Variants in NCOA5 observed in about 807,000 individuals in gnomAD.
The protein encoded by NCOA5 is NCoA-5.
Under a neutral mutation model 59.0 loss-of-function variants are expected in NCOA5, and 12 were observed. That is an observed-to-expected ratio of 0.20 (90% CI 0.13 to 0.33). NCOA5 has a LOEUF of 0.33. Among genes scored for constraint, NCOA5 ranks in the 10% least tolerant of loss-of-function variants. The pLI, the probability that NCOA5 is intolerant of heterozygous loss-of-function variation, is 1.00. For missense variants in NCOA5, 655 were observed against 766.6 expected (o/e 0.85, Z 1.72); for synonymous variants, 270 against 275.5 (o/e 0.98, Z 0.20).
At chr20:46,082,841 T>C (rs1431611460) in intron 1 of NCOA5, among the ~76,000 whole-genome samples, 3 of 152,160 alleles carry the variant, frequency 2.0e-5, no homozygotes, top group African/African-American at 2.4e-5. Context: ...GCAGAACCAT[T>C]ATAAACTACA....
chr20:46,079,499 A>T lies in NCOA5; in HGVS notation c.-29-46T>A, dbSNP rs570615816. 9.0e-6 allele frequency: 13 copies of T among 1,447,288 alleles called. No individual in the cohort carries two copies. The South Asian group carries it at 1.5e-4, about 17-fold the overall frequency. 89.7% of individuals were successfully genotyped at this position (1,447,288 alleles called of 1,614,324 possible). On this transcript the variant is annotated intron_variant, in intron 1 of 7. Transcript: ENST00000290231. The stretch of plus-strand genomic sequence containing the variant: ...ATCTGTTCAATGCTACGGAATAAAA[A>T]CAAGATCATCAGCACATTTCAAATG...
intron 1 of NCOA5, among the ~76,000 whole-genome samples, chr20:46,088,999 AAG>A (rs1051178021): frequency 1.1e-4 from 17 of 152,202 alleles, no homozygotes; most frequent in Non-Finnish European, 8.8e-5. Flanking sequence ...AGGAGAAAAA[AAG>A]AGTCAGTTTG....
intron 2 of NCOA5, among the ~76,000 whole-genome samples, chr20:46,075,740 T>G (rs1394737590): frequency 6.6e-6 from 1 of 152,334 alleles, no homozygotes; most frequent in South Asian, 2.1e-4. Flanking sequence ...ACTGGAATCA[T>G]GATCCTGTCT....
intron 2 of NCOA5, among the ~76,000 whole-genome samples, chr20:46,075,917 T>G (rs1392645965): frequency 6.6e-6 from 1 of 152,228 alleles, no homozygotes; most frequent in Non-Finnish European, 1.5e-5. Context: ...TGTGCTTGGC[T>G]GGGCCAATAT....
chr20:46,084,062 G>T (rs561363017), intron 1 of NCOA5, among the ~76,000 whole-genome samples: 1 of 152,244 alleles, frequency 6.6e-6, no homozygotes, highest in African/African-American at 2.4e-5. Flanking sequence ...ACAGAAATGG[G>T]GGAAACAATA....
intron 5 of NCOA5, among the ~76,000 whole-genome samples, chr20:46,066,804 G>C (rs2084828843): frequency 6.6e-6 from 1 of 152,212 alleles, no homozygotes; most frequent in Non-Finnish European, 1.5e-5. Context: ...GACCAATTTT[G>C]ATGACATGGT....
At chr20:46,068,229 C>A (rs1345969836) in intron 4 of NCOA5, among the ~76,000 whole-genome samples, 2 of 152,194 alleles carry the variant, frequency 1.3e-5, no homozygotes, top group Admixed American at 1.3e-4. Context: ...CCACAGTGAC[C>A]AGCATTTTGT....
In NCOA5 at chr20:46,062,309, C is replaced by G; in HGVS notation, c.1731G>C (p.Arg577Ser). ...GTTGAAAGATTTAGCTTCAGTAATGCCTCTGGTAAGATCCCATGGGGGCCT... is the reference window on the plus strand; with the variant it reads ...GTTGAAAGATTTAGCTTCAGTAATGGCTCTGGTAAGATCCCATGGGGGCCT... ...QPQAPMGSYQ[R>S]HY The change falls in exon 8 of 8, where the codon AGG becomes AGC. Residue 577 changes from arginine to serine, a missense_variant. This residue lies in a region of NCOA5 where 325 missense variants were observed against 353.2 expected (regional missense o/e 0.92). Transcript: ENST00000290231. The G allele has an allele frequency of 6.2e-7, 1 of 1,612,418 alleles. No individual in the cohort carries two copies. The highest frequency in any genetic ancestry group is 8.5e-7 in the Non-Finnish European group (1 of 1,179,150).
chr20:46,066,665 T>C (rs2084827126), intron 5 of NCOA5, among the ~76,000 whole-genome samples: 1 of 152,166 alleles, frequency 6.6e-6, no homozygotes, highest in Non-Finnish European at 1.5e-5. Flanking sequence ...AGAAGTTCTC[T>C]TTCCACTTGG....
At chr20:46,067,502 C>T (rs1226702214) in intron 4 of NCOA5, among the ~76,000 whole-genome samples, 1 of 151,908 alleles carries the variant, frequency 6.6e-6, no homozygotes, top group Non-Finnish European at 1.5e-5. Flanking sequence ...TACTGTCATT[C>T]TTTTTAAGTC....
intron 1 of NCOA5, among the ~76,000 whole-genome samples, chr20:46,079,770 G>T (rs1291654185): frequency 6.6e-6 from 1 of 152,192 alleles, no homozygotes; most frequent in Admixed American, 6.5e-5. Context: ...GGAAAAGGTT[G>T]TTTTCTAAAC....
rs768707011 is a variant in NCOA5 at position 46,062,681 on chromosome 20, G to A, written c.1359C>T (p.Pro453=). Residue 453 remains proline, a synonymous_variant, in exon 8 of 8, where the codon CCC becomes CCT. Transcript: ENST00000290231. ...TTGGGGTGTTTCCGGCAGCAACCGAGGGGGATGCAGAGCTGCTATTGGCCG... is the reference window on the plus strand; with the variant it reads ...TTGGGGTGTTTCCGGCAGCAACCGAAGGGGATGCAGAGCTGCTATTGGCCG... ...TVTANSSSAS[P]SVAAGNTPNQ... 1.2e-6 allele frequency: 2 copies of A among 1,614,114 alleles called. No individual in the cohort carries two copies. The highest frequency in any genetic ancestry group is 3.3e-5 in the Admixed American group (2 of 60,028).
At chr20:46,081,026 A>C (rs879855219) in intron 1 of NCOA5, among the ~76,000 whole-genome samples, 2 of 152,120 alleles carry the variant, frequency 1.3e-5, no homozygotes, top group Non-Finnish European at 2.9e-5. Flanking sequence ...GAGTCTGTTC[A>C]CTTACTGTGT....
rs1366608550 is a variant in NCOA5, at chr20:46,062,826, G to A, written c.1214C>T (p.Ser405Phe). 1 of 1,541,108 alleles carries A rather than the reference G, an allele frequency of 6.5e-7. No homozygotes were observed. Among genetic ancestry groups the A allele is most frequent in the East Asian group, 2.3e-5 (1 of 44,244 alleles). Residue 405 changes from serine (S) to phenylalanine (F), a missense_variant, in exon 8 of 8, where the codon TCC (serine) becomes TTC (phenylalanine). By Grantham distance (155) the Ser-to-Phe change is radical. Transcript: ENST00000290231. Reference sequence around the variant, plus strand: ...CACTTGGCCGCTCTGGAGCGGTTGGGAGCTTGGCTGTGTCTTCAGCGAGGC... The same window carrying A: ...CACTTGGCCGCTCTGGAGCGGTTGGAAGCTTGGCTGTGTCTTCAGCGAGGC... ...SGASLKTQPS[S>F]QPLQSGQVLP... is the part of the protein sequence containing the mutation.
rs538373946 is a variant in NCOA5 at position 46,085,317 on chromosome 20, A to G, written c.-30+4500T>C. ...GTTGGGATTATAGGCATGAGTCACC[A>G]TGCCTGGCCTGGAGTTCACTGTTTA... On this transcript the variant is annotated intron_variant, in intron 1 of 7. Transcript: ENST00000290231. 1.0e-3 allele frequency among the ~76,000 whole-genome samples: 154 copies of G among 152,182 alleles called. 1 individual carries two copies. The highest frequency in any genetic ancestry group is 3.6e-3 in the African/African-American group (149 of 41,502).
chr20:46,061,567 AAG>A lies in NCOA5; in HGVS notation c.*731_*732del, dbSNP rs1173201929. ...ATGCTGACAGAACTGGTTAACAGGGAAGAGTGGTGGGGCCCAGATTCACAGTT... is the reference window on the plus strand; with the variant it reads ...ATGCTGACAGAACTGGTTAACAGGGAAGTGGTGGGGCCCAGATTCACAGTT... On this transcript the variant is annotated 3_prime_UTR_variant, in exon 8 of 8. Coordinates refer to ENST00000290231, the MANE Select transcript of NCOA5 (RefSeq NM_020967.3). 1 of 152,650 alleles carries A rather than the reference AAG, an allele frequency of 6.6e-6. No individual in the cohort carries two copies. Among genetic ancestry groups the A allele is most frequent in the African/African-American group, 2.4e-5 (1 of 41,438 alleles). 9.5% of individuals were successfully genotyped at this position (152,650 alleles called of 1,614,324 possible).
chr20:46,077,844 T>C (rs761427953), intron 2 of NCOA5, among the ~76,000 whole-genome samples: 32 of 152,206 alleles, frequency 2.1e-4, no homozygotes, highest in Non-Finnish European at 3.4e-4. Context: ...GCAACACAGA[T>C]AGGACTGCCC....
At chr20:46,084,357 T>C (rs2085024748) in intron 1 of NCOA5, among the ~76,000 whole-genome samples, 1 of 152,180 alleles carries the variant, frequency 6.6e-6, no homozygotes, top group Non-Finnish European at 1.5e-5. Flanking sequence ...ATTTAGAATA[T>C]TCTTGCTAGG....
At chr20:46,066,978 G>A in intron 5 of NCOA5, 77 bp downstream of exon 5, 2 of 1,514,522 alleles carry the variant, frequency 1.3e-6, no homozygotes, top group Non-Finnish European at 1.8e-6. Flanking sequence ...CAGATTCAGT[G>A]GATAGAGGTG....
Sources: allele counts gnomAD v4.1 joint callset (sites outside exome capture counted in the v4.1 genomes callset), GRCh38; gene constraint gnomAD v4.1.1; regional missense constraint gnomAD v4.1.1; transcripts MANE v1.5; gene names NCBI Gene and HGNC (gene_info 2026-07-23, HGNC 2026-07-21).